PFKFB2: variants seen among roughly 807,000 people sequenced by gnomAD.
PFKFB2 encodes 6-phosphofructo-2-kinase/fructose-2,6-biphosphatase 2.
In PFKFB2, 53 loss-of-function variants were observed where a neutral mutation model predicts 68.0. The observed-to-expected ratio is 0.78, with a 90% confidence interval of 0.63 to 0.98. PFKFB2 has a LOEUF of 0.98. Among genes scored for constraint, PFKFB2 ranks in the 50% least tolerant of loss-of-function variants. The probability of loss-of-function intolerance (pLI) is 0.00; values close to 1 mark genes in which losing one functional copy is unlikely to be tolerated. For missense variants in PFKFB2, 451 were observed against 642.0 expected (o/e 0.70, Z 3.22); for synonymous variants, 222 against 227.6 (o/e 0.98, Z 0.22).
At chr1:207,058,978 G>GT (rs1170231357) in intron 2 of PFKFB2, among the ~76,000 whole-genome samples, 1 of 152,198 alleles carries the variant, frequency 6.6e-6, no homozygotes, top group African/African-American at 2.4e-5. Context: ...AGGTGGTTTT[G>GT]TTTTTTAACA....
At chr1:207,068,092 T>TTGTGTGTGTGTG in intron 9 of PFKFB2, 71 bp from the exon 10 acceptor site, 1 of 781,550 alleles carries the variant, frequency 1.3e-6, no homozygotes, top group South Asian at 2.1e-5. Context: ...TATGTGTGTG[T>TTGTGTGTGTGTG]TGAGTGTGTG....
chr1:207,037,633 T>A (rs1682400247), intron 1 of PFKFB2, among the ~76,000 whole-genome samples: 1 of 152,224 alleles, frequency 6.6e-6, no homozygotes, highest in African/African-American at 2.4e-5. Flanking sequence ...CTCCAAATAC[T>A]TCCCCCCTTC....
Position 207,076,504 on chromosome 1 carries a change from G to T in PFKFB2, c.*4133G>T. 1.0e-6 allele frequency: 1 copy of T among 985,332 alleles called. No individual in the cohort carries two copies. Among genetic ancestry groups the T allele is most frequent in the Non-Finnish European group, 1.2e-6 (1 of 829,860 alleles). The allele number at this position is 985,332 out of a possible 1,614,324, so 61.0% of individuals were successfully genotyped here. ...TGAAAATATGTAACAACTGAGTCGG[G>T]TTGCAGCACTGGTGGGGTAGAATCG... On this transcript the variant is annotated 3_prime_UTR_variant, in exon 15 of 15. Coordinates refer to ENST00000367080, the MANE Select transcript of PFKFB2 (RefSeq NM_006212.2).
rs1205562918 is a variant in PFKFB2 at position 207,077,681 on chromosome 1, C to G, written c.*5310C>G. ...AGGAACATAAGTCTTTAGCAACATT[C>G]TGATTTAATCGGGTGACACTGATAA... On this transcript the variant is annotated 3_prime_UTR_variant, in exon 15 of 15. Transcript: ENST00000367080. 1.0e-6 allele frequency: 1 copy of G among 985,658 alleles called. No homozygotes were observed. Among genetic ancestry groups the G allele is most frequent in the Non-Finnish European group, 1.2e-6 (1 of 829,872 alleles). 61.1% of individuals were successfully genotyped at this position (985,658 alleles called of 1,614,324 possible). A position where few individuals can be genotyped will look rare whatever the true frequency, so the allele number is the denominator to read the frequency against.
At chr1:207,051,614 G>A (rs1459322913), upstream of PFKFB2, among the ~76,000 whole-genome samples, 3 of 152,210 alleles carry the variant, frequency 2.0e-5, no homozygotes, top group Non-Finnish European at 4.4e-5. Flanking sequence ...CCTCATTCAG[G>A]TGGTGGCAGT....
At chr1:207,079,091 C>G, downstream of PFKFB2, 1 of 1,317,084 alleles carries the variant, frequency 7.6e-7, no homozygotes, top group African/African-American at 1.4e-5. Context: ...GTCAGCTTCA[C>G]AGAGGCTAGA....
intron 2 of PFKFB2, among the ~76,000 whole-genome samples, chr1:207,042,617 T>A (rs1021147917): frequency 1.4e-5 from 2 of 147,090 alleles, no homozygotes; most frequent in Non-Finnish European, 3.0e-5. Flanking sequence ...TTTCAAGTAT[T>A]AAAATGCAGC....
chr1:207,050,905 C>G, upstream of PFKFB2: 1 of 1,606,156 alleles, frequency 6.2e-7, no homozygotes, highest in Non-Finnish European at 8.5e-7. Flanking sequence ...TCGTGTCGGT[C>G]CGGCTGCCCA....
chr1:207,066,784 G>T (rs894045007), intron 8 of PFKFB2, among the ~76,000 whole-genome samples: 1 of 152,022 alleles, frequency 6.6e-6, no homozygotes, highest in African/African-American at 2.4e-5. Context: ...CTCCTGAGTA[G>T]CTGGGATTAC....
At position 207,063,554 on chromosome 1, in the gene PFKFB2, C is replaced by G; in HGVS notation, c.450+133C>G. On this transcript the variant is annotated intron_variant, in intron 6 of 14. Coordinates refer to ENST00000367080, the MANE Select transcript of PFKFB2 (RefSeq NM_006212.2). This position sits in a 1 kb window ranked among gnomAD's most constrained non-coding sequence, Gnocchi z 4.1. ...AATCTCTTCTCTCAGAGCATTCCCC[C>G]AGTCCTTGAGTGTTTTCATTCAGGT... The G allele has an allele frequency of 1.3e-6, 1 of 759,712 alleles. No homozygotes were observed. The highest frequency in any genetic ancestry group is 2.3e-6 in the Non-Finnish European group (1 of 430,380). 47.1% of individuals were successfully genotyped at this position (759,712 alleles called of 1,614,324 possible).
Position 207,076,795 on chromosome 1 carries a change from T to C in PFKFB2, c.*4424T>C. The C allele has an allele frequency of 1.0e-6, 1 of 985,148 alleles. No individual in the cohort carries two copies. The highest frequency in any genetic ancestry group is 1.2e-6 in the Non-Finnish European group (1 of 829,804). The allele number at this position is 985,148 out of a possible 1,614,324, so 61.0% of individuals were successfully genotyped here. A position where few individuals can be genotyped will look rare whatever the true frequency, so the allele number is the denominator to read the frequency against. ...TAGTGTCTGTGTGCTGACTGATAGA[T>C]AGACTATAGTAAAATTTGGGTGTTG... On this transcript the variant is annotated 3_prime_UTR_variant, in exon 15 of 15. Coordinates refer to ENST00000367080, the MANE Select transcript of PFKFB2 (RefSeq NM_006212.2).
At chr1:207,058,245 A>G (rs1282659473) in intron 2 of PFKFB2, among the ~76,000 whole-genome samples, 1 of 152,230 alleles carries the variant, frequency 6.6e-6, no homozygotes, top group East Asian at 1.9e-4. Flanking sequence ...ATAAAATGTC[A>G]CTAATGAAAC....
chr1:207,056,445 C>G (rs1195497014), intron 2 of PFKFB2, among the ~76,000 whole-genome samples: 1 of 150,676 alleles, frequency 6.6e-6, no homozygotes, highest in African/African-American at 2.5e-5. Flanking sequence ...AGAGCTGGGG[C>G]TGGGGGGCAG....
chr1:207,035,167 C>T, intron 1 of PFKFB2: 12 of 985,620 alleles, frequency 1.2e-5, no homozygotes, highest in South Asian at 4.7e-5. Context: ...TCACCTGACT[C>T]ATCTGTTCTC....
At chr1:207,051,194 A>G (rs1682744127), upstream of PFKFB2, 8 of 1,349,200 alleles carry the variant, frequency 5.9e-6, no homozygotes, top group Middle Eastern at 8.1e-4. Flanking sequence ...GGGTCTTGCT[A>G]CCTATAGAGC....
At chr1:207,034,517 G>A (rs1479123513) in intron 1 of PFKFB2, 1 of 152,196 alleles carries the variant, frequency 6.6e-6, no homozygotes, top group African/African-American at 2.4e-5. Flanking sequence ...TGACTTATGA[G>A]AATTAACTTC....
intron 1 of PFKFB2, among the ~76,000 whole-genome samples, chr1:207,039,610 T>C (rs1682441079): frequency 6.6e-6 from 1 of 152,194 alleles, no homozygotes; most frequent in Non-Finnish European, 1.5e-5. Context: ...CATCATTTGT[T>C]TCATACCTGA....
chr1:207,045,132 C>T (rs182963209), intron 2 of PFKFB2: 20 of 152,488 alleles, frequency 1.3e-4, no homozygotes, highest in South Asian at 6.2e-4. Flanking sequence ...GTATATGACA[C>T]GTTTAAGGCC....
intron 14 of PFKFB2, 106 bp downstream of exon 14, chr1:207,071,679 G>C (rs371212550): frequency 1.3e-6 from 1 of 792,292 alleles, no homozygotes. Context: ...AAGGGAAACA[G>C]ATTCAGAACT....
Sources: allele counts gnomAD v4.1 joint callset (sites outside exome capture counted in the v4.1 genomes callset), GRCh38; gene constraint gnomAD v4.1.1; non-coding constraint Gnocchi (gnomAD v3.1); transcripts MANE v1.5; gene names NCBI Gene and HGNC (gene_info 2026-07-23, HGNC 2026-07-21).